EIF5B: variants seen among roughly 807,000 people sequenced by gnomAD.
EIF5B encodes eukaryotic translation initiation factor 5B.
Under a neutral mutation model 147.5 loss-of-function variants are expected in EIF5B, and 47 were observed. That is an observed-to-expected ratio of 0.32 (90% CI 0.25 to 0.41). The LOEUF (loss-of-function observed/expected upper bound fraction) is 0.41. Ranked by LOEUF, EIF5B falls within the 10% of genes least tolerant of loss-of-function variation. The pLI is 1.00. For synonymous variants in EIF5B, 455 were observed against 456.2 expected, an observed-to-expected ratio of 1.00 and a Z score of 0.03; for missense variants, 1,064 against 1,413.2, an observed-to-expected ratio of 0.75 and a Z score of 3.96.
chr2:99,390,507 G>A, intron 16 of EIF5B, 37 bp from the exon 17 acceptor site: 1 of 1,598,456 alleles, frequency 6.3e-7, no homozygotes. Flanking sequence ...ATGGTGCATT[G>A]TATGTATGTC....
chr2:99,360,787 G>A (rs940570028), intron 3 of EIF5B, among the ~76,000 whole-genome samples: 2 of 152,212 alleles, frequency 1.3e-5, no homozygotes, highest in African/African-American at 4.8e-5. Flanking sequence ...TCCATCTTCA[G>A]TTTTCTCTGT....
chr2:99,376,279 G>A, intron 9 of EIF5B, 68 bp from the exon 10 acceptor site: 3 of 1,082,872 alleles, frequency 2.8e-6, no homozygotes, highest in South Asian at 4.0e-5. Flanking sequence ...CTGCTTTAAA[G>A]TCTCTTATCT....
intron 14 of EIF5B, among the ~76,000 whole-genome samples, chr2:99,387,804 T>G (rs1445957895): frequency 6.6e-6 from 1 of 152,200 alleles, no homozygotes; most frequent in Non-Finnish European, 1.5e-5. Context: ...GTACATTTAC[T>G]TAGTCCTCTT....
Position 99,363,771 on chromosome 2 carries a change from C to T in EIF5B, c.1046C>T (p.Ala349Val). Residue 349 changes from alanine (A) to valine (V), a missense_variant, in exon 5 of 24, where the codon GCT (alanine) becomes GTT (valine). Transcript: ENST00000289371. ...ATVKAMQEAL[A>V]KLKEEEERQK... The stretch of plus-strand genomic sequence containing the variant: ...GTTAAAGCTATGCAAGAAGCTCTGG[C>T]TAAGCTTAAAGAGGAAGAAGAAAGA... 1 of 1,613,836 alleles carries T rather than the reference C, an allele frequency of 6.2e-7. No homozygotes were observed. The highest frequency in any genetic ancestry group is 8.5e-7 in the Non-Finnish European group (1 of 1,179,948).
intron 1 of EIF5B, among the ~76,000 whole-genome samples, chr2:99,338,922 G>GTGTATA (rs10644172): frequency 0.031 from 4,397 of 142,260 alleles, 117 homozygotes; most frequent in Middle Eastern, 0.051. Flanking sequence ...AGAAGTGTGT[G>GTGTATA]TATATATATA....
chr2:99,394,890 T>G lies in EIF5B; in HGVS notation c.3254+7T>G, dbSNP rs1353047380. 6.4e-7 allele frequency: 1 copy of G among 1,557,468 alleles called. No homozygotes were observed. Among genetic ancestry groups the G allele is most frequent in the African/African-American group, 1.4e-5 (1 of 72,722 alleles). On this transcript the variant is annotated splice_region_variant and intron_variant, in intron 21 of 23. Coordinates refer to ENST00000289371, the MANE Select transcript of EIF5B (RefSeq NM_015904.4). ...AGAAACAAGAAGAATTTAAGTAAGT[T>G]ACTGTTTTTATTTACTTTGAGTCTT...
chr2:99,360,633 A>G (rs1674189714), intron 3 of EIF5B, 84 bp downstream of exon 3: 1 of 1,356,746 alleles, frequency 7.4e-7, no homozygotes, highest in Non-Finnish European at 1.0e-6. Flanking sequence ...TACATTTGGA[A>G]ACTTTTGAGC....
intron 12 of EIF5B, among the ~76,000 whole-genome samples, 169 bp downstream of exon 12, chr2:99,379,597 A>C (rs1270131173): frequency 1.3e-5 from 2 of 152,224 alleles, no homozygotes; most frequent in Non-Finnish European, 2.9e-5. Flanking sequence ...TTTTTAAAGA[A>C]TAAAACACTA....
At chr2:99,356,412 C>G (rs1287521783) in intron 1 of EIF5B, among the ~76,000 whole-genome samples, 1 of 152,210 alleles carries the variant, frequency 6.6e-6, no homozygotes, top group African/African-American at 2.4e-5. Flanking sequence ...TTCTTCTGCA[C>G]ACGTTTGTCT....
At chr2:99,351,254 A>T (rs1040438010) in intron 1 of EIF5B, among the ~76,000 whole-genome samples, 1 of 152,194 alleles carries the variant, frequency 6.6e-6, no homozygotes, top group African/African-American at 2.4e-5. Flanking sequence ...TACTTTTGAG[A>T]TTCATCTATG....
At chr2:99,365,252 C>T (rs1417394760) in intron 6 of EIF5B, among the ~76,000 whole-genome samples, 1 of 151,846 alleles carries the variant, frequency 6.6e-6, no homozygotes, top group Non-Finnish European at 1.5e-5. Context: ...CTATTTTTCC[C>T]TCATAAAAAA....
intron 3 of EIF5B, 37 bp from the exon 4 acceptor site, chr2:99,361,111 A>C (rs929023543): frequency 2.7e-6 from 4 of 1,460,952 alleles, no homozygotes; most frequent in Admixed American, 5.1e-5. Context: ...CTCAATTATA[A>C]TTCTGTTAAT....
intron 9 of EIF5B, among the ~76,000 whole-genome samples, chr2:99,375,393 G>T (rs1674540842): frequency 6.6e-6 from 1 of 152,190 alleles, no homozygotes; most frequent in African/African-American, 2.4e-5. Context: ...AGGATCTGAA[G>T]GTGATCTGCC....
At chr2:99,362,073 AT>A (rs200253576) in intron 4 of EIF5B, among the ~76,000 whole-genome samples, 1 of 151,710 alleles carries the variant, frequency 6.6e-6, no homozygotes, top group Admixed American at 6.6e-5. Flanking sequence ...TATGAAAACT[AT>A]TTTTTTTGCT....
chr2:99,385,493 A>G (rs1260657137), intron 14 of EIF5B, among the ~76,000 whole-genome samples: 4 of 152,228 alleles, frequency 2.6e-5, no homozygotes, highest in Non-Finnish European at 4.4e-5. Context: ...AAGACCCTCT[A>G]CCAGCAAAAA....
chr2:99,354,454 A>G (rs920358722), intron 1 of EIF5B, among the ~76,000 whole-genome samples: 1 of 152,154 alleles, frequency 6.6e-6, no homozygotes, highest in Admixed American at 6.5e-5. Context: ...TGATTTGGAA[A>G]TATTTTTTCC....
At chr2:99,363,410 G>A (rs1674261385) in intron 4 of EIF5B, among the ~76,000 whole-genome samples, 1 of 152,118 alleles carries the variant, frequency 6.6e-6, no homozygotes, top group South Asian at 2.1e-4. Flanking sequence ...GTATTCCTCA[G>A]GACATCTGAG....
intron 14 of EIF5B, among the ~76,000 whole-genome samples, chr2:99,385,709 G>A (rs1423238374): frequency 6.6e-6 from 1 of 152,170 alleles, no homozygotes; most frequent in Non-Finnish European, 1.5e-5. Context: ...TAGCTTTACT[G>A]CAGTTGTCTG....
chr2:99,365,284 C>A (rs1674303165), intron 6 of EIF5B, among the ~76,000 whole-genome samples: 3 of 152,098 alleles, frequency 2.0e-5, no homozygotes, highest in Admixed American at 2.0e-4. Flanking sequence ...ATTTTTACTT[C>A]CATCATATAG....
Sources: allele counts gnomAD v4.1 joint callset (sites outside exome capture counted in the v4.1 genomes callset), GRCh38; gene constraint gnomAD v4.1.1; transcripts MANE v1.5; gene names NCBI Gene and HGNC (gene_info 2026-07-23, HGNC 2026-07-21).